The following DGKI variants were observed in gnomAD, a reference collection of about 807,000 sequenced individuals.
The protein encoded by DGKI is DAG kinase iota.
A neutral mutation model predicts 147.5 loss-of-function variants in DGKI; 55 were observed. The observed-to-expected ratio is 0.37, with a 90% CI of 0.30 to 0.47. DGKI has a LOEUF of 0.47. Among genes scored for constraint, DGKI ranks in the 20% least tolerant of loss-of-function variants. The pLI is 1.00. For missense variants in DGKI, 1,007 were observed against 1,323.8 expected, an observed-to-expected ratio of 0.76 and a Z score of 3.71; for synonymous variants, 469 against 477.1, an observed-to-expected ratio of 0.98 and a Z score of 0.22.
chr7:137,733,355 T>C (rs1027020533), intron 1 of DGKI, among the ~76,000 whole-genome samples: 1 of 152,082 alleles, frequency 6.6e-6, no homozygotes, highest in African/African-American at 2.4e-5. Context: ...TGTCCTTTTG[T>C]GAGTGGCTCA....
chr7:137,500,322 C>T (rs1471730904), intron 21 of DGKI, among the ~76,000 whole-genome samples: 1 of 152,124 alleles, frequency 6.6e-6, no homozygotes, highest in Non-Finnish European at 1.5e-5. Flanking sequence ...ATCCATTATA[C>T]ATTTTACGTG....
intron 20 of DGKI, 99 bp from the exon 21 acceptor site, chr7:137,522,065 G>A (rs370606670): frequency 3.7e-6 from 3 of 809,396 alleles, no homozygotes; most frequent in South Asian, 1.7e-5. Flanking sequence ...TTCATGTTTA[G>A]AAGGAAGAGT....
chr7:137,743,258 T>C (rs1290069268), intron 1 of DGKI, among the ~76,000 whole-genome samples: 3 of 152,180 alleles, frequency 2.0e-5, no homozygotes, highest in Non-Finnish European at 2.9e-5. Context: ...TGGACTTAAA[T>C]TGGACACTGA....
intron 1 of DGKI, among the ~76,000 whole-genome samples, chr7:137,728,179 T>C (rs895672111): frequency 1.3e-5 from 2 of 152,160 alleles, no homozygotes; most frequent in African/African-American, 4.8e-5. Context: ...TGGAGGAAAC[T>C]TTAAAAGAAA....
At chr7:137,653,369 C>T (rs149823235) in intron 5 of DGKI, among the ~76,000 whole-genome samples, 17 of 152,340 alleles carry the variant, frequency 1.1e-4, no homozygotes, top group African/African-American at 3.6e-4. Flanking sequence ...ATTTCCTCCA[C>T]GCTGCAGCCT....
At chr7:137,474,303 C>T (rs966613989) in intron 23 of DGKI, among the ~76,000 whole-genome samples, 6 of 152,106 alleles carry the variant, frequency 3.9e-5, no homozygotes, top group East Asian at 3.9e-4. Flanking sequence ...TCACCTACAT[C>T]GGGACACTAA....
chr7:137,504,954 G>A (rs1181637300), intron 21 of DGKI, among the ~76,000 whole-genome samples: 1 of 152,048 alleles, frequency 6.6e-6, no homozygotes, highest in Non-Finnish European at 1.5e-5. Context: ...CACAGACTGG[G>A]TGAAAATCTT....
intron 8 of DGKI, 100 bp from the exon 9 acceptor site, chr7:137,609,709 A>G (rs1483848793): frequency 1.3e-6 from 1 of 772,570 alleles, no homozygotes; most frequent in Non-Finnish European, 2.2e-6. Flanking sequence ...ATGCTGTTCC[A>G]CTGCATGCTT....
chr7:137,832,698 G>A (rs114402750), intron 1 of DGKI, among the ~76,000 whole-genome samples: 3,031 of 152,296 alleles, frequency 0.02, 121 homozygotes, highest in African/African-American at 0.069. Context: ...ACATTCAGCT[G>A]TTCATTACTT....
At chr7:137,806,519 C>T (rs763779783) in intron 1 of DGKI, among the ~76,000 whole-genome samples, 46 of 152,082 alleles carry the variant, frequency 3.0e-4, no homozygotes, top group Non-Finnish European at 5.6e-4. Context: ...CTGCAAGCTC[C>T]GCCTCCTGGG....
chr7:137,691,797 G>GGTTTTTTTTTTT (rs1563152769), intron 1 of DGKI, among the ~76,000 whole-genome samples: 2 of 74,660 alleles, frequency 2.7e-5, no homozygotes, highest in African/African-American at 7.6e-5. Context: ...TAGACCTTTG[G>GGTTTTTTTTTTT]GTTTTTTTTT....
chr7:137,425,289 G>C (rs1391393432), intron 28 of DGKI, among the ~76,000 whole-genome samples: 2 of 152,174 alleles, frequency 1.3e-5, no homozygotes, highest in Non-Finnish European at 1.5e-5. Flanking sequence ...AGGCAAACAG[G>C]GTCTGGAGTG....
intron 4 of DGKI, 110 bp from the exon 5 acceptor site, chr7:137,654,898 C>A: frequency 1.5e-6 from 1 of 663,820 alleles, no homozygotes; most frequent in Non-Finnish European, 2.6e-6. Flanking sequence ...AAAGCAAAAC[C>A]TCCAAAGAAC....
chr7:137,458,095 C>A (rs1918840), intron 27 of DGKI, among the ~76,000 whole-genome samples: 5,996 of 152,174 alleles, frequency 0.039, 293 homozygotes, highest in East Asian at 0.12. Context: ...ATCTTCAGTG[C>A]CTGACTTCAG....
chr7:137,605,991 T>G (rs543918771), intron 10 of DGKI, among the ~76,000 whole-genome samples: 3 of 152,330 alleles, frequency 2.0e-5, no homozygotes, highest in African/African-American at 7.2e-5. Flanking sequence ...TGATAAATGT[T>G]TGAGGTGATA....
chr7:137,636,233 G>A (rs11971088), intron 6 of DGKI, among the ~76,000 whole-genome samples: 8 of 152,088 alleles, frequency 5.3e-5, no homozygotes, highest in South Asian at 2.1e-4. Flanking sequence ...GTCTTGGTCC[G>A]CCTACCAGGT....
intron 1 of DGKI, among the ~76,000 whole-genome samples, chr7:137,726,319 G>C (rs1794715011): frequency 1.3e-5 from 2 of 152,168 alleles, no homozygotes; most frequent in Admixed American, 6.5e-5. Flanking sequence ...TCTGAGCCAT[G>C]TCCACATAGA....
chr7:137,485,649 A>G (rs1210514609), intron 22 of DGKI, among the ~76,000 whole-genome samples: 7 of 152,104 alleles, frequency 4.6e-5, no homozygotes, highest in Non-Finnish European at 8.8e-5. Flanking sequence ...TATAAGTCCT[A>G]CATAGTGTTT....
intron 3 of DGKI, among the ~76,000 whole-genome samples, chr7:137,661,467 G>C (rs570578911): frequency 1.3e-5 from 2 of 152,210 alleles, no homozygotes; most frequent in South Asian, 2.1e-4. Context: ...GGGGCAGATG[G>C]GGCATGCTGG....
Sources: gnomAD v4.1 joint callset for allele counts (sites outside exome capture counted in the v4.1 genomes callset) on GRCh38, gnomAD v4.1.1 for gene constraint, MANE v1.5 for transcripts, NCBI Gene and HGNC (gene_info 2026-07-23, HGNC 2026-07-21) for gene names.